Variants in FHIT observed in about 807,000 individuals in gnomAD.
FHIT encodes fragile histidine triad diadenosine triphosphatase.
A neutral mutation model predicts 17.9 loss-of-function variants in FHIT; 19 were observed. The observed-to-expected ratio is 1.06, with a 90% CI of 0.74 to 1.56. The LOEUF (loss-of-function observed/expected upper bound fraction) is 1.56. Ranked by LOEUF, FHIT falls within the 40% of genes most tolerant of loss-of-function variation. The pLI is 0.00. For synonymous variants in FHIT, 81 were observed against 69.7 expected (o/e 1.16, Z -0.81); for missense variants, 248 against 189.2 (o/e 1.31, Z -1.82).
intron 3 of FHIT, among the ~76,000 whole-genome samples, chr3:60,987,119 A>C (rs79390293): frequency 0.015 from 2,306 of 152,288 alleles, 64 homozygotes; most frequent in African/African-American, 0.053. Context: ...GTCTAACATC[A>C]AATTGCCTTG....
chr3:61,098,766 T>C (rs1001459299), intron 2 of FHIT, among the ~76,000 whole-genome samples: 3 of 152,236 alleles, frequency 2.0e-5, no homozygotes. Context: ...ATTGTTGGTA[T>C]ATAGGAATGT....
intron 4 of FHIT, among the ~76,000 whole-genome samples, chr3:60,694,770 T>C (rs1375884832): frequency 6.6e-6 from 1 of 152,142 alleles, no homozygotes; most frequent in Non-Finnish European, 1.5e-5. Context: ...TGTAGGGACA[T>C]GGATGAAGCT....
intron 8 of FHIT, among the ~76,000 whole-genome samples, chr3:59,848,793 A>C (rs892744757): frequency 2.0e-5 from 3 of 152,242 alleles, no homozygotes; most frequent in Non-Finnish European, 4.4e-5. Flanking sequence ...CTCTACCAGA[A>C]TAGCATTATC....
At chr3:59,915,204 T>C (rs1443743054) in intron 8 of FHIT, among the ~76,000 whole-genome samples, 1 of 152,134 alleles carries the variant, frequency 6.6e-6, no homozygotes, top group African/African-American at 2.4e-5. Flanking sequence ...ATGTATCTGG[T>C]TGGAGCGAGA....
At chr3:59,779,904 G>A (rs1440895387) in intron 8 of FHIT, among the ~76,000 whole-genome samples, 1 of 152,200 alleles carries the variant, frequency 6.6e-6, no homozygotes, top group East Asian at 1.9e-4. Context: ...TAAAGTGCAT[G>A]ACCACACGGA....
At chr3:59,822,678 T>A (rs1040855666) in intron 8 of FHIT, among the ~76,000 whole-genome samples, 2 of 152,192 alleles carry the variant, frequency 1.3e-5, no homozygotes, top group African/African-American at 2.4e-5. Context: ...TTATTTGAGT[T>A]CCTTATAGAT....
intron 4 of FHIT, among the ~76,000 whole-genome samples, chr3:60,708,373 G>A (rs2041427518): frequency 6.6e-6 from 1 of 152,202 alleles, no homozygotes; most frequent in Admixed American, 6.5e-5. Flanking sequence ...TTCATTTCAA[G>A]TAATGCCAGC....
rs574529879 is a variant in FHIT, at chr3:59,978,769, A to C, written c.279+32602T>G. Among the ~76,000 whole-genome samples the C allele has an allele frequency of 2.6e-5, 4 of 151,386 alleles. 1 individual carries two copies. The East Asian group carries it at 8.0e-4, about 30-fold the overall frequency. ...CCAGCTCCCCAAAGCCCATACAGAA[A>C]CCTATTTGAGAAGCTTTCGATCTAA... On this transcript the variant is annotated intron_variant, in intron 7 of 9. Transcript: ENST00000492590.
At chr3:60,417,614 G>A (rs1702299175) in intron 5 of FHIT, among the ~76,000 whole-genome samples, 1 of 152,142 alleles carries the variant, frequency 6.6e-6, no homozygotes. Flanking sequence ...TATACTGAAT[G>A]TCATCATTCT....
chr3:60,874,286 A>C (rs1472126075), intron 3 of FHIT, among the ~76,000 whole-genome samples: 1 of 152,160 alleles, frequency 6.6e-6, no homozygotes, highest in Non-Finnish European at 1.5e-5. Context: ...GTCGGCAATC[A>C]CGCCAACACT....
chr3:61,112,109 T>G (rs2036175932), intron 2 of FHIT, among the ~76,000 whole-genome samples: 1 of 152,138 alleles, frequency 6.6e-6, no homozygotes, highest in African/African-American at 2.4e-5. Flanking sequence ...GGGCCAAAAT[T>G]TCACTGTCTG....
chr3:60,550,431 A>C (rs1331240193), intron 4 of FHIT, among the ~76,000 whole-genome samples: 1 of 152,190 alleles, frequency 6.6e-6, no homozygotes, highest in Non-Finnish European at 1.5e-5. Context: ...TACAAAGAGA[A>C]TTTTTTAGTG....
chr3:60,046,315 A>C (rs1187371933), intron 5 of FHIT, among the ~76,000 whole-genome samples: 1 of 152,174 alleles, frequency 6.6e-6, no homozygotes, highest in Non-Finnish European at 1.5e-5. Context: ...AAACAGGTGG[A>C]TTTTGAACAG....
chr3:60,514,539 C>T (rs1051611407), intron 5 of FHIT, among the ~76,000 whole-genome samples: 5 of 152,158 alleles, frequency 3.3e-5, no homozygotes, highest in Non-Finnish European at 7.3e-5. Context: ...CTAATGCATG[C>T]AGGGCTTAAC....
chr3:61,061,550 T>C (rs1237570591), intron 2 of FHIT, among the ~76,000 whole-genome samples: 1 of 151,824 alleles, frequency 6.6e-6, no homozygotes, highest in Non-Finnish European at 1.5e-5. Flanking sequence ...TTAAATTAAA[T>C]ATCTAATTCT....
intron 5 of FHIT, among the ~76,000 whole-genome samples, chr3:60,169,226 T>C (rs776955140): frequency 5.9e-5 from 9 of 152,236 alleles, no homozygotes; most frequent in Non-Finnish European, 8.8e-5. Context: ...CAGCTCTAAA[T>C]AGAAACACAC....
chr3:60,987,219 C>G (rs535779917), intron 3 of FHIT, among the ~76,000 whole-genome samples: 1 of 152,276 alleles, frequency 6.6e-6, no homozygotes, highest in Non-Finnish European at 1.5e-5. Flanking sequence ...ATGTTGGGAG[C>G]AGGCCCCCCA....
At chr3:59,911,264 C>T (rs1249641299) in intron 8 of FHIT, among the ~76,000 whole-genome samples, 2 of 152,050 alleles carry the variant, frequency 1.3e-5, no homozygotes, top group African/African-American at 4.8e-5. Flanking sequence ...GATCAGTTGT[C>T]CAAGTTTTAT....
chr3:60,177,160 C>G (rs960786427), intron 5 of FHIT, among the ~76,000 whole-genome samples: 1 of 151,502 alleles, frequency 6.6e-6, no homozygotes, highest in African/African-American at 2.4e-5. Flanking sequence ...ACATGCTTCC[C>G]AGGAACAACA....
Sources: gnomAD v4.1 joint callset for allele counts (sites outside exome capture counted in the v4.1 genomes callset) on GRCh38, gnomAD v4.1.1 for gene constraint, MANE v1.5 for transcripts, NCBI Gene and HGNC (gene_info 2026-07-23, HGNC 2026-07-21) for gene names.